Variants in CACNA1C observed in about 807,000 individuals in gnomAD.
CACNA1C encodes the protein voltage-dependent L-type calcium channel subunit alpha-1C.
Under a neutral mutation model 229.0 loss-of-function variants are expected in CACNA1C, and 30 were observed. That is an observed-to-expected ratio of 0.13 (90% confidence interval 0.10 to 0.18). CACNA1C has a LOEUF of 0.18. Ranked by LOEUF, CACNA1C falls within the 10% of genes least tolerant of loss-of-function variation. The probability of loss-of-function intolerance (pLI) is 1.00; values close to 1 mark genes in which losing one functional copy is unlikely to be tolerated. For missense variants in CACNA1C, 1,658 were observed against 2,845.0 expected, an observed-to-expected ratio of 0.58 and a Z score of 9.49; for synonymous variants, 1,114 against 1,132.5, an observed-to-expected ratio of 0.98 and a Z score of 0.33.
chr12:2,430,913 G>A (rs2099076838), intron 3 of CACNA1C, among the ~76,000 whole-genome samples: 1 of 152,040 alleles, frequency 6.6e-6, no homozygotes, highest in African/African-American at 2.4e-5. Flanking sequence ...ACCCACTGCT[G>A]ACTCCATGTC....
At chr12:2,407,619 G>A (rs2098752992) in intron 3 of CACNA1C, among the ~76,000 whole-genome samples, 1 of 50,896 alleles carries the variant, frequency 2.0e-5, no homozygotes, top group African/African-American at 6.1e-5. Flanking sequence ...ATGACCCAGT[G>A]GGAAGGAACG....
chr12:2,130,109 A>C (rs537427229), intron 3 of CACNA1C, among the ~76,000 whole-genome samples: 11 of 151,708 alleles, frequency 7.3e-5, no homozygotes, highest in African/African-American at 2.7e-4. Context: ...TAGCAGCAAT[A>C]ACTTCAGCCC....
chr12:2,653,744 C>T lies in CACNA1C; in HGVS notation c.4075-91C>T. The T allele has an allele frequency of 9.2e-7, 1 of 1,091,030 alleles. No individual in the cohort carries two copies. 67.6% of individuals were successfully genotyped at this position (1,091,030 alleles called of 1,614,324 possible). On this transcript the variant is annotated intron_variant, in intron 32 of 46. Transcript: ENST00000399655. This position sits in a 1 kb window ranked among gnomAD's most constrained non-coding sequence, Gnocchi z 4.7. ...GCCCAAACCGGGCAATAGCTGATGG[C>T]TGCAGAGACAGGGATGCGGCGCTCC...
At chr12:2,311,082 T>A (rs1260225886) in intron 3 of CACNA1C, among the ~76,000 whole-genome samples, 2 of 152,218 alleles carry the variant, frequency 1.3e-5, no homozygotes. Flanking sequence ...CTGCCCGGAA[T>A]CCACAGGGCA....
intron 29 of CACNA1C, among the ~76,000 whole-genome samples, chr12:2,616,761 G>T (rs2080839751): frequency 6.6e-6 from 1 of 152,256 alleles, no homozygotes; most frequent in Non-Finnish European, 1.5e-5. Flanking sequence ...CCCCTCTGGG[G>T]TGCAGAGCCT....
chr12:2,536,300 T>C (rs2154586830), intron 9 of CACNA1C, among the ~76,000 whole-genome samples: 1 of 152,258 alleles, frequency 6.6e-6, no homozygotes, highest in East Asian at 1.9e-4. Flanking sequence ...TCAAAACTCA[T>C]CCATAGTAAA....
At chr12:2,094,184 T>C (rs969716166) in intron 1 of CACNA1C, among the ~76,000 whole-genome samples, 30 of 152,272 alleles carry the variant, frequency 2.0e-4, no homozygotes, top group African/African-American at 7.2e-4. Flanking sequence ...GCAGTTGTAA[T>C]CTCAGTGGCA....
Position 2,274,004 on chromosome 12 carries a change from C to T in CACNA1C, c.477+153574C>T, listed in dbSNP as rs188038873. 2.4e-4 allele frequency among the ~76,000 whole-genome samples: 37 copies of T among 152,320 alleles called. No homozygotes were observed. The East Asian group carries it at 5.6e-3, about 23-fold the overall frequency. On this transcript the variant is annotated intron_variant, in intron 3 of 46. Transcript: ENST00000399655. ...CCAGCAGGCAGGGCTTGTTCACCTGCGTCCTGTCCAGCACGCGGCAGGAGC... is the reference window on the plus strand; with the variant it reads ...CCAGCAGGCAGGGCTTGTTCACCTGTGTCCTGTCCAGCACGCGGCAGGAGC...
chr12:2,116,871 G>A (rs1034996129), intron 2 of CACNA1C, among the ~76,000 whole-genome samples: 4 of 152,196 alleles, frequency 2.6e-5, no homozygotes, highest in East Asian at 1.9e-4. Context: ...GGAGCATTAG[G>A]CTTCATCGAT....
intron 3 of CACNA1C, among the ~76,000 whole-genome samples, chr12:2,308,451 C>T (rs1387691041): frequency 6.6e-6 from 1 of 152,132 alleles, no homozygotes; most frequent in Non-Finnish European, 1.5e-5. Context: ...ATCCTTTCTC[C>T]ATTGTGTATT....
Position 2,595,525 on chromosome 12 carries a change from A to G in CACNA1C, c.2664-349A>G, listed in dbSNP as rs147313680. Among the ~76,000 whole-genome samples, 73 of 152,306 alleles carry G rather than the reference A, an allele frequency of 4.8e-4. 2 individuals carry two copies. Among genetic ancestry groups the G allele is most frequent in the African/African-American group, 1.6e-3 (66 of 41,562 alleles). On this transcript the variant is annotated intron_variant, in intron 19 of 46. Transcript: ENST00000399655. The surrounding 1 kb of genome is among the most constrained non-coding windows in gnomAD (Gnocchi z 4.1). ...CGGGTAGTCCTATTGTGCCTTATGC[A>G]TAAGCATAGAGTTGATCTCATAAAG...
chr12:2,270,503 T>C (rs546916675), intron 3 of CACNA1C, among the ~76,000 whole-genome samples: 52 of 152,322 alleles, frequency 3.4e-4, no homozygotes, highest in Admixed American at 8.5e-4. Context: ...ACCGTCTTGC[T>C]GAGTGGCCTG....
intron 3 of CACNA1C, among the ~76,000 whole-genome samples, chr12:2,246,835 C>A (rs1222642287): frequency 6.6e-6 from 1 of 152,160 alleles, no homozygotes; most frequent in Non-Finnish European, 1.5e-5. Flanking sequence ...TGTCATGACC[C>A]ATCCAAGAAC....
In CACNA1C at chr12:2,654,068, C is replaced by A. The variant is rs2153665038; in HGVS notation, c.4140+168C>A. 6.6e-6 allele frequency among the ~76,000 whole-genome samples: 1 copy of A among 152,298 alleles called. No homozygotes were observed. Among genetic ancestry groups the A allele is most frequent in the African/African-American group, 2.4e-5 (1 of 41,552 alleles). ...GCCCAAAAAGCCACAGGAATTGGAA[C>A]TTTCCCCAAATGGATCTCCTGTAGG... On this transcript the variant is annotated intron_variant, in intron 33 of 46. Transcript: ENST00000399655. The surrounding 1 kb of genome is among the most constrained non-coding windows in gnomAD (Gnocchi z 4.4).
chr12:2,225,548 T>C (rs1340788735), intron 3 of CACNA1C, among the ~76,000 whole-genome samples: 1 of 152,210 alleles, frequency 6.6e-6, no homozygotes, highest in Non-Finnish European at 1.5e-5. Context: ...TACTGCCCCC[T>C]GGAACCTGAG....
intron 9 of CACNA1C, among the ~76,000 whole-genome samples, chr12:2,519,924 AG>A (rs1174431592): frequency 6.6e-6 from 1 of 152,218 alleles, no homozygotes; most frequent in Non-Finnish European, 1.5e-5. Flanking sequence ...CCATTTTCCC[AG>A]CCAGGGGAGC....
At chr12:2,545,028 A>T (rs546656188) in intron 9 of CACNA1C, among the ~76,000 whole-genome samples, 2 of 152,200 alleles carry the variant, frequency 1.3e-5, no homozygotes, top group African/African-American at 4.8e-5. Flanking sequence ...AACAGTGATC[A>T]TGACCTTTTT....
intron 1 of CACNA1C, chr12:1,998,094 C>G: frequency 1.3e-6 from 1 of 755,984 alleles, no homozygotes; most frequent in Non-Finnish European, 2.1e-6. Flanking sequence ...ATATACCCAA[C>G]ATGAGGAGTT....
In CACNA1C at chr12:2,682,616, T is replaced by C. The variant is rs1201131795; in HGVS notation, c.5511T>C (p.Tyr1837=). ...AGGAGACGTCTCAGGATGAGACCTA[T>C]GAAGTGAAGATGAACCATGACACGG... is the stretch of plus-strand genomic sequence containing the variant. ...GQEETSQDET[Y]EVKMNHDTEA... The change falls in exon 43 of 47, where the codon TAT becomes TAC. Residue 1837 remains tyrosine, a synonymous_variant. Coordinates refer to ENST00000399655, the MANE Select transcript of CACNA1C (RefSeq NM_000719.7). 1.2e-6 allele frequency: 2 copies of C among 1,612,448 alleles called. No homozygotes were observed. Among genetic ancestry groups the C allele is most frequent in the Admixed American group, 1.7e-5 (1 of 59,898 alleles).
Sources: gnomAD v4.1 joint callset for allele counts (sites outside exome capture counted in the v4.1 genomes callset) on GRCh38, gnomAD v4.1.1 for gene constraint, Gnocchi (gnomAD v3.1) non-coding constraint, MANE v1.5 for transcripts, NCBI Gene and HGNC (gene_info 2026-07-23, HGNC 2026-07-21) for gene names.